The following SORCS2 variants were observed in gnomAD, a reference collection of about 807,000 sequenced individuals.
SORCS2 encodes sortilin related VPS10 domain containing receptor 2.
SORCS2 carries 100 observed loss-of-function variants against 141.6 expected under a neutral mutation model. That is an observed-to-expected ratio of 0.71 (90% confidence interval 0.60 to 0.83). The LOEUF (loss-of-function observed/expected upper bound fraction) is 0.83. Ranked by LOEUF, SORCS2 falls within the 40% of genes least tolerant of loss-of-function variation. SORCS2 has a pLI of 0.00. For synonymous variants in SORCS2, 789 were observed against 676.9 expected, an observed-to-expected ratio of 1.17 and a Z score of -2.57; for missense variants, 1,646 against 1,560.2, an observed-to-expected ratio of 1.05 and a Z score of -0.93.
rs746423456 is a variant in SORCS2, at chr4:7,737,161, G to T, written c.3404G>T (p.Gly1135Val). The change falls in exon 26 of 27, where the codon GGC becomes GTC. Residue 1135 changes from glycine (G) to valine (V), a missense_variant. By Grantham distance (109) the Gly-to-Val change is moderately radical (BLOSUM62 -3). Coordinates refer to ENST00000507866, the MANE Select transcript of SORCS2 (RefSeq NM_020777.3). ...GTGAGTCACAGTGAGGACGTCCAGG[G>T]CGCTGTCCAGGGTGAGGAGTTTATA... ...SPVSHSEDVQ[G>V]AVQGNHSGVV... 13 of 1,551,304 alleles carry T rather than the reference G, an allele frequency of 8.4e-6. 1 individual carries two copies. The South Asian group carries it at 1.4e-4, about 17-fold the overall frequency.
intron 3 of SORCS2, among the ~76,000 whole-genome samples, chr4:7,616,988 G>A (rs938542281): frequency 6.6e-6 from 1 of 152,212 alleles, no homozygotes; most frequent in Admixed American, 6.5e-5. Context: ...GCTCCAGCAG[G>A]TGGACAATTG....
chr4:7,451,209 T>C (rs1452178544), intron 2 of SORCS2, among the ~76,000 whole-genome samples: 2 of 151,612 alleles, frequency 1.3e-5, no homozygotes, highest in African/African-American at 4.9e-5. Flanking sequence ...ATGGAGTGAG[T>C]GAGTGAATGA....
At chr4:7,345,147 T>C (rs549617913) in intron 1 of SORCS2, among the ~76,000 whole-genome samples, 11 of 152,298 alleles carry the variant, frequency 7.2e-5, no homozygotes, top group Admixed American at 3.3e-4. Flanking sequence ...GCCCCAATTT[T>C]CAAAGCAAAA....
At chr4:7,401,584 C>T (rs1168544409) in intron 2 of SORCS2, among the ~76,000 whole-genome samples, 1 of 152,294 alleles carries the variant, frequency 6.6e-6, no homozygotes, top group Non-Finnish European at 1.5e-5. Context: ...TGTCCTGCCT[C>T]CTGCTGTGAT....
rs142795265 is a variant in SORCS2, at chr4:7,319,837, A to G, written c.481-76451A>G. Among the ~76,000 whole-genome samples the G allele has an allele frequency of 4.6e-3, 705 of 152,386 alleles. 4 individuals are homozygous for G. Among genetic ancestry groups the G allele is most frequent in the Middle Eastern group, 0.024 (7 of 294 alleles). On this transcript the variant is annotated intron_variant, in intron 1 of 26. Transcript: ENST00000507866. ...TGTTAGCAGTTGGCTTTTATGGACAAGTGGCTGCCCACCTTGGCCGGGGCC... is the reference window on the plus strand; with the variant it reads ...TGTTAGCAGTTGGCTTTTATGGACAGGTGGCTGCCCACCTTGGCCGGGGCC...
At chr4:7,236,427 G>C (rs1712273660) in intron 1 of SORCS2, among the ~76,000 whole-genome samples, 1 of 152,078 alleles carries the variant, frequency 6.6e-6, no homozygotes, top group South Asian at 2.1e-4. Flanking sequence ...GGAGAGTGAG[G>C]GGAGTCTGAG....
chr4:7,724,103 ATAG>A (rs1460095679), intron 19 of SORCS2, among the ~76,000 whole-genome samples: 2 of 141,966 alleles, frequency 1.4e-5, no homozygotes, highest in African/African-American at 2.8e-5. Flanking sequence ...GATATTGATG[ATAG>A]TGGTGGTGAT....
chr4:7,402,567 C>T (rs1173924933), intron 2 of SORCS2, among the ~76,000 whole-genome samples: 1 of 152,194 alleles, frequency 6.6e-6, no homozygotes, highest in African/African-American at 2.4e-5. Context: ...GCTAGGATTT[C>T]TATCCTGAGA....
At chr4:7,257,853 G>A (rs1237422736) in intron 1 of SORCS2, among the ~76,000 whole-genome samples, 1 of 152,192 alleles carries the variant, frequency 6.6e-6, no homozygotes, top group Non-Finnish European at 1.5e-5. Flanking sequence ...TTCAGTCAAC[G>A]AGAGGCGCCG....
chr4:7,425,093 C>T (rs1469806169), intron 2 of SORCS2, among the ~76,000 whole-genome samples: 1 of 152,210 alleles, frequency 6.6e-6, no homozygotes. Flanking sequence ...GCAGGGGTGC[C>T]TCCCCTGTCC....
chr4:7,444,438 TGGA>T (rs760913457), intron 2 of SORCS2, among the ~76,000 whole-genome samples: 21 of 152,030 alleles, frequency 1.4e-4, no homozygotes, highest in Non-Finnish European at 2.8e-4. Flanking sequence ...AGTGTAAACT[TGGA>T]GGAGTTGAGA....
chr4:7,641,255 C>T (rs180899609), intron 4 of SORCS2, among the ~76,000 whole-genome samples: 6 of 152,296 alleles, frequency 3.9e-5, no homozygotes, highest in Admixed American at 3.9e-4. Context: ...ACTCAAAGTT[C>T]CACATGGGTG....
intron 3 of SORCS2, among the ~76,000 whole-genome samples, chr4:7,537,401 C>T (rs1712219631): frequency 6.6e-6 from 1 of 152,206 alleles, no homozygotes. Flanking sequence ...AGGCCATCTT[C>T]GTGGTGAGAG....
At chr4:7,726,633 C>A in intron 20 of SORCS2, 147 bp from the exon 21 acceptor site, 1 of 1,006,102 alleles carries the variant, frequency 9.9e-7, no homozygotes, top group Non-Finnish European at 1.4e-6. Flanking sequence ...CTGGGTGCTG[C>A]CACCACAGGA....
rs1476393903 is a variant in SORCS2, at chr4:7,570,485, C to T, written c.648+38856C>T. On this transcript the variant is annotated intron_variant, in intron 3 of 26. Transcript: ENST00000507866. Reference sequence around the variant, plus strand: ...GAGGCGCCCCCAGCAGCTAACAGGACCTTGGTGTGTGTCCCCATCTGCATG... The same window carrying T: ...GAGGCGCCCCCAGCAGCTAACAGGATCTTGGTGTGTGTCCCCATCTGCATG... Among the ~76,000 whole-genome samples the T allele has an allele frequency of 3.3e-5, 5 of 152,372 alleles. No homozygotes were observed. The East Asian group carries it at 9.7e-4, about 29-fold the overall frequency.
chr4:7,534,768 A>G (rs968037196), intron 3 of SORCS2, among the ~76,000 whole-genome samples: 2 of 152,252 alleles, frequency 1.3e-5, no homozygotes, highest in South Asian at 2.1e-4. Flanking sequence ...TGGAGCCTCC[A>G]GAGGAACCAG....
chr4:7,675,367 G>T (rs1168042127), intron 8 of SORCS2, among the ~76,000 whole-genome samples: 1 of 152,124 alleles, frequency 6.6e-6, no homozygotes, highest in East Asian at 1.9e-4. Context: ...CCTCCAGACT[G>T]TGCCCCCAGG....
At chr4:7,257,683 CAT>C (rs562090236) in intron 1 of SORCS2, among the ~76,000 whole-genome samples, 143 of 152,312 alleles carry the variant, frequency 9.4e-4, no homozygotes, top group African/African-American at 3.2e-3. Context: ...GAGAAGTGCA[CAT>C]GTGGGAAGCT....
At chr4:7,282,073 C>A (rs1247062543) in intron 1 of SORCS2, among the ~76,000 whole-genome samples, 1 of 152,210 alleles carries the variant, frequency 6.6e-6, no homozygotes, top group Non-Finnish European at 1.5e-5. Flanking sequence ...CAGACTCATT[C>A]TAACCACAGG....
Sources: allele counts gnomAD v4.1 joint callset (sites outside exome capture counted in the v4.1 genomes callset), GRCh38; gene constraint gnomAD v4.1.1; transcripts MANE v1.5; gene names NCBI Gene and HGNC (gene_info 2026-07-23, HGNC 2026-07-21).